The following CREB5 variants were observed in gnomAD, a reference collection of about 807,000 sequenced individuals.
The protein encoded by CREB5 is cyclic AMP-responsive element-binding protein 5.
CREB5 carries 19 observed loss-of-function variants against 57.1 expected under a neutral mutation model. The observed-to-expected ratio is 0.33, with a 90% confidence interval of 0.23 to 0.49. The LOEUF (loss-of-function observed/expected upper bound fraction) is 0.49, where lower values mean the gene tolerates loss of function less well. Among genes scored for constraint, CREB5 ranks in the 20% least tolerant of loss-of-function variants. The pLI, the probability that CREB5 is intolerant of heterozygous loss-of-function variation, is 0.99. For missense variants in CREB5, 579 were observed against 671.6 expected (o/e 0.86, Z 1.52); for synonymous variants, 238 against 238.3 (o/e 1.00, Z 0.01).
intron 7 of CREB5, among the ~76,000 whole-genome samples, chr7:28,751,160 C>G (rs908344061): frequency 7.1e-6 from 1 of 141,120 alleles, no homozygotes; most frequent in Non-Finnish European, 1.5e-5. Flanking sequence ...GCCTGGGAAG[C>G]GTCAGGAAGC....
At chr7:28,337,792 T>C (rs545857113) in intron 1 of CREB5, among the ~76,000 whole-genome samples, 26 of 152,242 alleles carry the variant, frequency 1.7e-4, no homozygotes, top group African/African-American at 6.0e-4. Context: ...CCTTCCTTCT[T>C]GTCTTTCTGT....
chr7:28,699,882 A>T (rs1163231490), intron 5 of CREB5, among the ~76,000 whole-genome samples: 2 of 152,166 alleles, frequency 1.3e-5, no homozygotes, highest in Non-Finnish European at 2.9e-5. Context: ...CTCTAATGCA[A>T]AAACGACCAA....
intron 4 of CREB5, among the ~76,000 whole-genome samples, chr7:28,533,932 A>G (rs1477260026): frequency 6.6e-6 from 1 of 152,216 alleles, no homozygotes; most frequent in African/African-American, 2.4e-5. Context: ...ATGACAGGGC[A>G]TATGCAGGAC....
intron 5 of CREB5, among the ~76,000 whole-genome samples, chr7:28,594,070 T>G (rs1338231992): frequency 6.6e-6 from 1 of 152,100 alleles, no homozygotes; most frequent in Non-Finnish European, 1.5e-5. Context: ...CTCCCTGACT[T>G]TAGCAAATAC....
At chr7:28,482,413 G>A (rs1791373210) in intron 1 of CREB5, among the ~76,000 whole-genome samples, 1 of 152,194 alleles carries the variant, frequency 6.6e-6, no homozygotes, top group South Asian at 2.1e-4. Context: ...AACACGAAGT[G>A]CAAATTGGCC....
At chr7:28,734,012 A>G (rs1357986180) in intron 7 of CREB5, among the ~76,000 whole-genome samples, 1 of 152,102 alleles carries the variant, frequency 6.6e-6, no homozygotes, top group Non-Finnish European at 1.5e-5. Flanking sequence ...ATTCTACCCA[A>G]AATTCCCCAG....
intron 1 of CREB5, among the ~76,000 whole-genome samples, chr7:28,470,339 G>A (rs1790753996): frequency 6.6e-6 from 1 of 152,088 alleles, no homozygotes; most frequent in African/African-American, 2.4e-5. Context: ...GTCTTTCCGT[G>A]CCTGGCTTAT....
Position 28,495,024 on chromosome 7 carries a change from C to A in CREB5, c.169+25C>A, listed in dbSNP as rs777192547. On this transcript the variant is annotated intron_variant, in intron 3 of 10. Transcript: ENST00000357727. ...GGTAAGGAGCCATCAGGAAAAGAAG[C>A]TTTGGGTGATCAGATCTGTTCCATG... 5.2e-6 allele frequency: 8 copies of A among 1,535,116 alleles called. No homozygotes were observed. The East Asian group carries it at 6.8e-5, about 13-fold the overall frequency.
chr7:28,328,450 A>G (rs1785651012), intron 1 of CREB5, among the ~76,000 whole-genome samples: 1 of 152,266 alleles, frequency 6.6e-6, no homozygotes, highest in Non-Finnish European at 1.5e-5. Flanking sequence ...GCCTTCAAAC[A>G]AGGTGTGTGA....
chr7:28,554,783 A>G (rs1042213951), intron 4 of CREB5, among the ~76,000 whole-genome samples: 1 of 152,178 alleles, frequency 6.6e-6, no homozygotes, highest in African/African-American at 2.4e-5. Context: ...GTGACCCTTT[A>G]TTTGGCTAAG....
rs770849741 is a variant in CREB5 at position 28,372,952 on chromosome 7, C to T, written c.-25+73511C>T. Among the ~76,000 whole-genome samples, 54 of 152,124 alleles carry T rather than the reference C, an allele frequency of 3.5e-4. 1 individual carries two copies. The highest frequency in any genetic ancestry group is 2.6e-4 in the Admixed American group (4 of 15,266). ...GTCATGCTGCATTAGCAGTGTGGTG[C>T]GGCGGGGATGGTGTTTATTTGGGGT... On this transcript the variant is annotated intron_variant, in intron 1 of 9. Coordinates refer to the CREB5 transcript ENST00000396299.
At chr7:28,682,759 T>A (rs774347284) in intron 5 of CREB5, among the ~76,000 whole-genome samples, 1 of 151,956 alleles carries the variant, frequency 6.6e-6, no homozygotes, top group African/African-American at 2.4e-5. Context: ...TCTCATAACG[T>A]GTTTGAGCTC....
At chr7:28,696,589 G>A (rs1034960610) in intron 5 of CREB5, among the ~76,000 whole-genome samples, 1 of 152,130 alleles carries the variant, frequency 6.6e-6, no homozygotes, top group African/African-American at 2.4e-5. Flanking sequence ...GGAAGAAAAT[G>A]TGGTTTTCTG....
chr7:28,554,549 A>G (rs1794785558), intron 4 of CREB5, among the ~76,000 whole-genome samples: 1 of 152,136 alleles, frequency 6.6e-6, no homozygotes, highest in African/African-American at 2.4e-5. Flanking sequence ...CTTAACTTCC[A>G]TGGATCTGCT....
chr7:28,581,029 T>C (rs1288578783), intron 5 of CREB5, among the ~76,000 whole-genome samples: 1 of 152,204 alleles, frequency 6.6e-6, no homozygotes, highest in Non-Finnish European at 1.5e-5. Flanking sequence ...TGACACTGTG[T>C]TCCTCTAATT....
At chr7:28,724,099 T>C (rs1225375789) in intron 6 of CREB5, 123 bp from the exon 7 acceptor site, 2 of 773,568 alleles carry the variant, frequency 2.6e-6, no homozygotes, top group Non-Finnish European at 4.1e-6. Context: ...CACCAAACCA[T>C]AGGCCTTCTC....
chr7:28,444,039 G>A (rs989455320), intron 1 of CREB5, among the ~76,000 whole-genome samples: 19 of 152,144 alleles, frequency 1.2e-4, no homozygotes, highest in Admixed American at 6.5e-4. Context: ...GGAAAACTTA[G>A]TTTTGTAAGA....
intron 1 of CREB5, among the ~76,000 whole-genome samples, chr7:28,419,828 T>C (rs573642645): frequency 2.0e-5 from 3 of 152,348 alleles, no homozygotes; most frequent in South Asian, 4.1e-4. Context: ...TCCTTTTTTC[T>C]GAGAAGGCCT....
chr7:28,448,484 C>T (rs1789607608), intron 1 of CREB5, among the ~76,000 whole-genome samples: 1 of 152,172 alleles, frequency 6.6e-6, no homozygotes, highest in South Asian at 2.1e-4. Flanking sequence ...GTTCTCTGGG[C>T]TCCTTGTTTT....
Sources: gnomAD v4.1 joint callset for allele counts (sites outside exome capture counted in the v4.1 genomes callset) on GRCh38, gnomAD v4.1.1 for gene constraint, MANE v1.5 for transcripts, NCBI Gene and HGNC (gene_info 2026-07-23, HGNC 2026-07-21) for gene names.